UGGT1: variants seen among roughly 807,000 people sequenced by gnomAD.
UGGT1 encodes UDP-glucose:glycoprotein glucosyltransferase 1.
Under a neutral mutation model 203.9 loss-of-function variants are expected in UGGT1, and 107 were observed. The observed-to-expected ratio is 0.52, with a 90% CI of 0.45 to 0.62. The LOEUF (loss-of-function observed/expected upper bound fraction) is 0.62. Among genes scored for constraint, UGGT1 ranks in the 20% least tolerant of loss-of-function variants. The pLI is 0.00. For synonymous variants in UGGT1, 628 were observed against 653.5 expected, an observed-to-expected ratio of 0.96 and a Z score of 0.59; for missense variants, 1,673 against 1,867.2, an observed-to-expected ratio of 0.90 and a Z score of 1.92.
intron 25 of UGGT1, among the ~76,000 whole-genome samples, chr2:128,162,557 T>C (rs1690578887): frequency 6.6e-6 from 1 of 152,190 alleles, no homozygotes; most frequent in Non-Finnish European, 1.5e-5. Context: ...TGCCATGTCT[T>C]GTATGACCTG....
At chr2:128,112,626 A>C in intron 5 of UGGT1, among the ~76,000 whole-genome samples, 1 of 146,002 alleles carries the variant, frequency 6.8e-6, no homozygotes, top group Non-Finnish European at 1.5e-5. Flanking sequence ...TCTGTCACCC[A>C]GGGTGGAGTC....
intron 6 of UGGT1, among the ~76,000 whole-genome samples, chr2:128,114,818 A>G (rs543846620): frequency 1.1e-4 from 16 of 152,160 alleles, no homozygotes; most frequent in Non-Finnish European, 1.0e-4. Context: ...CATGTAAAGG[A>G]GCCTAGGATT....
chr2:128,188,671 A>G (rs1692112104), intron 40 of UGGT1, among the ~76,000 whole-genome samples: 1 of 152,248 alleles, frequency 6.6e-6, no homozygotes, highest in Non-Finnish European at 1.5e-5. Context: ...GTGGCTGGGC[A>G]CAGTGGCTCA....
At chr2:128,151,271 C>G (rs969342443) in intron 18 of UGGT1, 2 of 595,154 alleles carry the variant, frequency 3.4e-6, no homozygotes, top group Non-Finnish European at 6.3e-6. Context: ...CCTTCCTCGT[C>G]CATCTCCTTG....
intron 5 of UGGT1, among the ~76,000 whole-genome samples, chr2:128,112,773 G>A (rs887141782): frequency 3.3e-5 from 5 of 151,434 alleles, no homozygotes; most frequent in Non-Finnish European, 4.4e-5. Flanking sequence ...TTGTAGAGTC[G>A]AGGTTTTGCT....
chr2:128,091,443 C>A, intron 1 of UGGT1, 28 bp downstream of exon 1: 1 of 1,567,520 alleles, frequency 6.4e-7, no homozygotes, highest in Admixed American at 1.9e-5. Context: ...GAGGAGGCCT[C>A]GTGGACAAAG....
At chr2:128,132,577 C>T (rs535010669) in intron 13 of UGGT1, among the ~76,000 whole-genome samples, 1 of 152,102 alleles carries the variant, frequency 6.6e-6, no homozygotes, top group African/African-American at 2.4e-5. Context: ...AAAAAAATTT[C>T]GCTTCTTTCT....
intron 11 of UGGT1, among the ~76,000 whole-genome samples, chr2:128,125,051 G>T (rs1383157388): frequency 6.6e-6 from 1 of 152,130 alleles, no homozygotes; most frequent in African/African-American, 2.4e-5. Flanking sequence ...TTTCTTTTGG[G>T]TTGGTCAGTC....
At chr2:128,123,344 T>C in intron 11 of UGGT1, 98 bp downstream of exon 11, 3 of 1,027,996 alleles carry the variant, frequency 2.9e-6, no homozygotes, top group Non-Finnish European at 4.3e-6. Context: ...GTCACTCTTC[T>C]TTTATCTAAG....
chr2:128,122,533 T>TAAAAA (rs67124308), intron 10 of UGGT1, among the ~76,000 whole-genome samples: 2 of 137,170 alleles, frequency 1.5e-5, no homozygotes, highest in Admixed American at 1.5e-4. Context: ...AAACTCCGTC[T>TAAAAA]AAAAAAAAAA....
chr2:128,143,485 G>A (rs4519462), intron 17 of UGGT1, among the ~76,000 whole-genome samples: 88,745 of 152,016 alleles, frequency 0.58, 26,141 homozygotes, highest in East Asian at 0.66. Flanking sequence ...CTGTTGAAGA[G>A]AAAGTACCAG....
rs151153786 is a variant in UGGT1 at position 128,183,937 on chromosome 2, T to TGTGTGTGTGTGTGTGTGAGA, written c.4359+149_4359+150insTGTGTGTGTGTGTGTGAGAG. The TGTGTGTGTGTGTGTGTGAGA allele has an allele frequency of 1.5e-4, 48 of 328,612 alleles. No homozygotes were observed. The East Asian group carries it at 1.6e-3, about 11-fold the overall frequency. 20.4% of individuals were successfully genotyped at this position (328,612 alleles called of 1,614,324 possible). A position where few individuals can be genotyped will look rare whatever the true frequency, so the allele number is the denominator to read the frequency against. ...GTGTGTGTGTGTGTGTGTGTGTGTG[T>TGTGTGTGTGTGTGTGTGAGA]GAGAGAGAGAGAGAGAGAGAGAGAT... is the stretch of plus-strand genomic sequence containing the variant. On this transcript the variant is annotated intron_variant, in intron 38 of 40. Coordinates refer to ENST00000259253, the MANE Select transcript of UGGT1 (RefSeq NM_020120.4).
intron 3 of UGGT1, among the ~76,000 whole-genome samples, chr2:128,107,647 A>G (rs577936749): frequency 6.6e-6 from 1 of 152,368 alleles, no homozygotes; most frequent in African/African-American, 2.4e-5. Context: ...TGGAGTAGGT[A>G]ATTTCACAGC....
chr2:128,147,985 C>T (rs1199849130), intron 18 of UGGT1, among the ~76,000 whole-genome samples: 1 of 152,134 alleles, frequency 6.6e-6, no homozygotes, highest in Non-Finnish European at 1.5e-5. Flanking sequence ...CTTCACCGTA[C>T]CAGGGTTTAT....
intron 18 of UGGT1, among the ~76,000 whole-genome samples, chr2:128,151,512 T>G (rs1689972735): frequency 6.6e-6 from 1 of 152,210 alleles, no homozygotes; most frequent in South Asian, 2.1e-4. Context: ...GTCTTTTGAT[T>G]TGTATGATTG....
chr2:128,107,378 A>G (rs1248274148), intron 3 of UGGT1, among the ~76,000 whole-genome samples: 1 of 152,110 alleles, frequency 6.6e-6, no homozygotes, highest in Non-Finnish European at 1.5e-5. Flanking sequence ...AATACTGTGT[A>G]ACTTCCTCAT....
intron 8 of UGGT1, among the ~76,000 whole-genome samples, chr2:128,119,549 A>G (rs368617907): frequency 6.6e-6 from 1 of 152,194 alleles, no homozygotes; most frequent in Non-Finnish European, 1.5e-5. Flanking sequence ...CTGCTTTACT[A>G]TAGTGGAATA....
chr2:128,168,175 C>T (rs1457906044), intron 26 of UGGT1, among the ~76,000 whole-genome samples: 5 of 152,186 alleles, frequency 3.3e-5, no homozygotes, highest in Non-Finnish European at 5.9e-5. Context: ...GTTTCTGATT[C>T]AGTAAGTCTG....
At chr2:128,150,668 C>CTGG (rs1553440941) in intron 18 of UGGT1, among the ~76,000 whole-genome samples, 6 of 136,710 alleles carry the variant, frequency 4.4e-5, no homozygotes, top group Admixed American at 2.2e-4. Flanking sequence ...TAATTAATAA[C>CTGG]TTTTTTTTTT....
Sources: gnomAD v4.1 joint callset for allele counts (sites outside exome capture counted in the v4.1 genomes callset) on GRCh38, gnomAD v4.1.1 for gene constraint, MANE v1.5 for transcripts, NCBI Gene and HGNC (gene_info 2026-07-23, HGNC 2026-07-21) for gene names.